GRM1: variants seen among roughly 807,000 people sequenced by gnomAD.
The protein encoded by GRM1 is metabotropic glutamate receptor 1.
GRM1 carries 33 observed loss-of-function variants against 90.9 expected under a neutral mutation model. The observed-to-expected ratio is 0.36, with a 90% CI of 0.28 to 0.49. The LOEUF (loss-of-function observed/expected upper bound fraction) is 0.49. Ranked by LOEUF, GRM1 falls within the 20% of genes least tolerant of loss-of-function variation. The pLI is 0.99. For synonymous variants in GRM1, 700 were observed against 613.2 expected (o/e 1.14, Z -2.09); for missense variants, 1,190 against 1,534.3 (o/e 0.78, Z 3.75).
At chr6:146,353,728 C>T (rs1039620719) in intron 4 of GRM1, among the ~76,000 whole-genome samples, 23 of 152,212 alleles carry the variant, frequency 1.5e-4, no homozygotes, top group Non-Finnish European at 4.4e-5. Context: ...CCCCCAGATT[C>T]AAGTGATTCC....
chr6:146,089,601 A>G (rs764504906), intron 1 of GRM1, among the ~76,000 whole-genome samples: 2 of 152,114 alleles, frequency 1.3e-5, no homozygotes, highest in Non-Finnish European at 2.9e-5. Flanking sequence ...ATTTTTATTC[A>G]TATATCTTTA....
intron 2 of GRM1, chr6:146,159,823 G>T: frequency 1.9e-6 from 1 of 517,300 alleles, no homozygotes. Flanking sequence ...GCTCAGGAGG[G>T]AGGATTGGTT....
chr6:146,289,642 C>T (rs1232926458), intron 2 of GRM1, among the ~76,000 whole-genome samples: 2 of 152,188 alleles, frequency 1.3e-5, no homozygotes, highest in Non-Finnish European at 2.9e-5. Context: ...CCAGAGCAAC[C>T]TCTAATCCCA....
chr6:146,076,441 C>A (rs937407704), intron 1 of GRM1, among the ~76,000 whole-genome samples: 3 of 152,016 alleles, frequency 2.0e-5, no homozygotes, highest in African/African-American at 7.2e-5. Flanking sequence ...GGGCTTGGGT[C>A]AGGGTGGTGG....
At chr6:146,346,037 G>C (rs1343127593) in intron 3 of GRM1, among the ~76,000 whole-genome samples, 2 of 152,184 alleles carry the variant, frequency 1.3e-5, no homozygotes, top group Admixed American at 1.3e-4. Context: ...GAAACAAAGA[G>C]CCCCACAATT....
At chr6:146,297,688 A>G (rs1425986978) in intron 2 of GRM1, among the ~76,000 whole-genome samples, 1 of 152,194 alleles carries the variant, frequency 6.6e-6, no homozygotes, top group Non-Finnish European at 1.5e-5. Context: ...CATTGGATTC[A>G]CGTTTGAAAA....
intron 1 of GRM1, among the ~76,000 whole-genome samples, chr6:146,139,822 C>T (rs59686912): frequency 0.13 from 20,252 of 151,742 alleles, 2,260 homozygotes; most frequent in African/African-American, 0.29. Flanking sequence ...TTATTACTGA[C>T]AACTAAAAAC....
intron 1 of GRM1, among the ~76,000 whole-genome samples, chr6:146,113,731 TA>T (rs1162611273): frequency 6.6e-6 from 1 of 152,180 alleles, no homozygotes; most frequent in East Asian, 1.9e-4. Flanking sequence ...TGAAACAAAT[TA>T]TACTTTTCAG....
rs1777629588 is a variant in GRM1 at position 146,159,442 on chromosome 6, T to C, written c.795T>C (p.Ala265=). 1 of 1,614,032 alleles carries C rather than the reference T, an allele frequency of 6.2e-7. No homozygotes were observed. The highest frequency in any genetic ancestry group is 8.5e-7 in the Non-Finnish European group (1 of 1,180,022). Residue 265 remains alanine (A), a synonymous_variant, in exon 2 of 8, where the codon GCT becomes GCC. Transcript: ENST00000282753. ...ATTCTGACAAAATCTACAGCAACGCTGGGGAGAAGAGCTTTGACCGACTCT... is the reference window on the plus strand; with the variant it reads ...ATTCTGACAAAATCTACAGCAACGCCGGGGAGAAGAGCTTTGACCGACTCT... ...IAHSDKIYSN[A]GEKSFDRLLR...
At chr6:146,347,909 T>C (rs56566) in intron 3 of GRM1, among the ~76,000 whole-genome samples, 44,430 of 152,092 alleles carry the variant, frequency 0.29, 6,769 homozygotes, top group African/African-American at 0.37. Context: ...TAGCCGTTTA[T>C]AGCCCTTGTT....
chr6:146,336,821 T>G (rs1784786231), intron 3 of GRM1, among the ~76,000 whole-genome samples: 1 of 152,244 alleles, frequency 6.6e-6, no homozygotes, highest in Non-Finnish European at 1.5e-5. Context: ...AGTCCCTGTC[T>G]TGGTAGCTTC....
At chr6:146,289,144 A>G (rs1782883958) in intron 2 of GRM1, among the ~76,000 whole-genome samples, 1 of 152,182 alleles carries the variant, frequency 6.6e-6, no homozygotes, top group Admixed American at 6.5e-5. Flanking sequence ...AAATCGCCTC[A>G]GGCAGGTCCT....
chr6:146,095,951 G>A (rs1776860464), intron 1 of GRM1, among the ~76,000 whole-genome samples: 2 of 152,112 alleles, frequency 1.3e-5, no homozygotes, highest in African/African-American at 4.8e-5. Context: ...TTTCAGACAT[G>A]TTCTAATGTG....
Position 146,399,641 on chromosome 6 carries a change from C to G in GRM1, c.2602C>G (p.Arg868Gly), listed in dbSNP as rs550219072. The G allele has an allele frequency of 1.2e-6, 2 of 1,614,008 alleles. No homozygotes were observed. Among genetic ancestry groups the G allele is most frequent in the South Asian group, 2.2e-5 (2 of 91,070 alleles). The change falls in exon 7 of 8, where the codon CGC becomes GGC. Residue 868 changes from arginine to glycine, a missense_variant. Arg to Gly is a moderately radical substitution (Grantham distance 125). This residue lies in a region of GRM1 where 73 missense variants were observed against 150.6 expected (regional missense o/e 0.48). Coordinates refer to ENST00000282753, the MANE Select transcript of GRM1 (RefSeq NM_001278064.2). The surrounding 1 kb of genome is among the most constrained non-coding windows in gnomAD (Gnocchi z 5.4). ...TGTTGGCGATGGCAAGCTGCCCTGC[C>G]GCTCCAACACTTTCCTCAACATCTT... ...MHVGDGKLPC[R>G]SNTFLNIFRR...
At chr6:146,187,424 T>A (rs1778772153) in intron 2 of GRM1, among the ~76,000 whole-genome samples, 1 of 152,132 alleles carries the variant, frequency 6.6e-6, no homozygotes, top group African/African-American at 2.4e-5. Context: ...TCACGAAGTT[T>A]TTGATCAACT....
chr6:146,359,139 T>G (rs1775353750), intron 5 of GRM1, among the ~76,000 whole-genome samples: 1 of 152,168 alleles, frequency 6.6e-6, no homozygotes, highest in Non-Finnish European at 1.5e-5. Context: ...TTCAGTAGTC[T>G]AAGAATGTGT....
Position 146,434,887 on chromosome 6 carries a change from G to A in GRM1, c.*91G>A. ...AACAGCTGGGAGGAAAAGCCTGGGA[G>A]TGGGGGGCCTCGTCGGGAGGACAGG... On this transcript the variant is annotated 3_prime_UTR_variant, in exon 8 of 8. Coordinates refer to ENST00000282753, the MANE Select transcript of GRM1 (RefSeq NM_001278064.2). 1.7e-6 allele frequency: 2 copies of A among 1,145,322 alleles called. No individual in the cohort carries two copies. The highest frequency in any genetic ancestry group is 2.6e-6 in the Non-Finnish European group (2 of 774,894). 70.9% of individuals were successfully genotyped at this position (1,145,322 alleles called of 1,614,324 possible). A position where few individuals can be genotyped will look rare whatever the true frequency, so the allele number is the denominator to read the frequency against.
intron 1 of GRM1, among the ~76,000 whole-genome samples, chr6:146,061,088 C>T (rs1356191294): frequency 3.9e-5 from 6 of 152,012 alleles, no homozygotes; most frequent in East Asian, 1.9e-4. Flanking sequence ...GGGGGAATGC[C>T]GAGGCAGTAG....
chr6:146,281,616 TGTG>T lies in GRM1; in HGVS notation c.951-22992_951-22990del, dbSNP rs1357547759. The stretch of plus-strand genomic sequence containing the variant: ...GGCTATATTCATTTTTTATGTTCCT[TGTG>T]GTACATTATATGTAATAGATATTGA... On this transcript the variant is annotated intron_variant, in intron 2 of 7. Coordinates refer to ENST00000282753, the MANE Select transcript of GRM1 (RefSeq NM_001278064.2). 6.6e-5 allele frequency among the ~76,000 whole-genome samples: 10 copies of T among 152,372 alleles called. No homozygotes were observed. The South Asian group carries it at 2.1e-3, about 32-fold the overall frequency.
Sources: allele counts gnomAD v4.1 joint callset (sites outside exome capture counted in the v4.1 genomes callset), GRCh38; gene constraint gnomAD v4.1.1; regional missense constraint gnomAD v4.1.1; non-coding constraint Gnocchi (gnomAD v3.1); transcripts MANE v1.5; gene names NCBI Gene and HGNC (gene_info 2026-07-23, HGNC 2026-07-21).